The following MAST4 variants were observed in gnomAD, a reference collection of about 807,000 sequenced individuals.
The protein encoded by MAST4 is microtubule-associated serine/threonine-protein kinase 4.
MAST4 carries 89 observed loss-of-function variants against 162.7 expected under a neutral mutation model. The ratio of observed to expected loss-of-function variants is 0.55; its 90% confidence interval spans 0.46 to 0.65. MAST4 has a LOEUF of 0.65. Among genes scored for constraint, MAST4 ranks in the 30% least tolerant of loss-of-function variants. The pLI, the probability that MAST4 is intolerant of heterozygous loss-of-function variation, is 0.00. For synonymous variants in MAST4, 1,479 were observed against 1,361.1 expected, an observed-to-expected ratio of 1.09 and a Z score of -1.91; for missense variants, 3,153 against 3,374.0, an observed-to-expected ratio of 0.93 and a Z score of 1.62.
At chr5:67,103,404 T>C (rs976616339) in intron 9 of MAST4, among the ~76,000 whole-genome samples, 2 of 152,198 alleles carry the variant, frequency 1.3e-5, no homozygotes, top group South Asian at 4.2e-4. Context: ...TAACCCAACA[T>C]TGATGTCATT....
intron 4 of MAST4, among the ~76,000 whole-genome samples, chr5:66,992,592 TCTTA>T (rs1750182484): frequency 6.6e-6 from 1 of 152,198 alleles, no homozygotes; most frequent in Admixed American, 6.5e-5. Flanking sequence ...AAACGTTAAT[TCTTA>T]CTTATCAATC....
At chr5:66,720,554 G>T (rs1751136646) in intron 1 of MAST4, among the ~76,000 whole-genome samples, 1 of 151,600 alleles carries the variant, frequency 6.6e-6, no homozygotes, top group South Asian at 2.1e-4. Context: ...TGTCTCTTTG[G>T]CTCTATCCAT....
chr5:66,855,272 C>T (rs549662739), intron 3 of MAST4, among the ~76,000 whole-genome samples: 6 of 152,222 alleles, frequency 3.9e-5, no homozygotes, highest in East Asian at 3.9e-4. Flanking sequence ...CTCTTGCTCC[C>T]GCTATTGCCA....
chr5:66,673,523 GTTTTTTGTT>G (rs1747748865), intron 1 of MAST4, among the ~76,000 whole-genome samples: 1 of 131,318 alleles, frequency 7.6e-6, no homozygotes. Flanking sequence ...TTTGTTTTTT[GTTTTTTGTT>G]TTTTTTTTTT....
At chr5:67,057,274 G>A (rs548734790) in intron 5 of MAST4, among the ~76,000 whole-genome samples, 2 of 152,130 alleles carry the variant, frequency 1.3e-5, no homozygotes, top group East Asian at 3.9e-4. Context: ...TGTCAGGCGA[G>A]GTTTTCTAGG....
intron 1 of MAST4, among the ~76,000 whole-genome samples, chr5:66,670,973 CCTT>C (rs796712334): frequency 5.5e-4 from 83 of 152,240 alleles, no homozygotes; most frequent in African/African-American, 1.9e-3. Context: ...AGGCCTACCT[CCTT>C]GACACAACCA....
At chr5:66,868,209 A>T (rs530435828) in intron 3 of MAST4, among the ~76,000 whole-genome samples, 1 of 152,212 alleles carries the variant, frequency 6.6e-6, no homozygotes, top group South Asian at 2.1e-4. Flanking sequence ...CCTTTCTTGG[A>T]TGTGTCATAG....
intron 2 of MAST4, among the ~76,000 whole-genome samples, chr5:66,772,345 G>T (rs1461510256): frequency 2.0e-5 from 3 of 151,882 alleles, no homozygotes; most frequent in Non-Finnish European, 4.4e-5. Flanking sequence ...TTCAATTTAT[G>T]TTTTTTTAAG....
chr5:66,608,113 A>G (rs1743019144), intron 1 of MAST4, among the ~76,000 whole-genome samples: 1 of 146,030 alleles, frequency 6.8e-6, no homozygotes, highest in South Asian at 2.1e-4. Flanking sequence ...GCTGGAGTGC[A>G]GTGGCACTGT....
chr5:66,825,838 G>T (rs991745081), intron 3 of MAST4, among the ~76,000 whole-genome samples: 19 of 151,954 alleles, frequency 1.3e-4, no homozygotes, highest in African/African-American at 4.4e-4. Context: ...TTTATGATTT[G>T]AATACACATG....
intron 21 of MAST4, among the ~76,000 whole-genome samples, chr5:67,143,327 T>C (rs1036621836): frequency 1.3e-5 from 2 of 150,824 alleles, no homozygotes; most frequent in African/African-American, 2.4e-5. Context: ...ATAAGCCATA[T>C]TGAAAAGGCA....
At chr5:66,700,084 C>G (rs567303478) in intron 1 of MAST4, among the ~76,000 whole-genome samples, 2 of 152,342 alleles carry the variant, frequency 1.3e-5, no homozygotes, top group African/African-American at 4.8e-5. Flanking sequence ...GTCTTCTGCT[C>G]TGTGGCTTTG....
chr5:66,714,158 A>G (rs1432089603), intron 1 of MAST4, among the ~76,000 whole-genome samples: 4 of 152,174 alleles, frequency 2.6e-5, no homozygotes, highest in East Asian at 1.9e-4. Context: ...GGCTACACAG[A>G]TGACTCACCC....
At chr5:66,728,591 AT>A (rs1470011029) in intron 1 of MAST4, among the ~76,000 whole-genome samples, 2 of 152,342 alleles carry the variant, frequency 1.3e-5, no homozygotes, top group South Asian at 2.1e-4. Flanking sequence ...AATGATGGAA[AT>A]GTCATGACTA....
intron 1 of MAST4, among the ~76,000 whole-genome samples, chr5:66,619,512 A>T (rs1743937461): frequency 6.6e-6 from 1 of 152,152 alleles, no homozygotes; most frequent in African/African-American, 2.4e-5. Flanking sequence ...CCTCATATAC[A>T]CGGGTACAGA....
intron 1 of MAST4, among the ~76,000 whole-genome samples, chr5:66,649,872 T>C (rs1025684158): frequency 2.6e-5 from 4 of 152,156 alleles, no homozygotes; most frequent in African/African-American, 9.7e-5. Context: ...CGAGATCAGT[T>C]AGTCAATACT....
At chr5:66,826,401 C>G (rs147808150) in intron 3 of MAST4, among the ~76,000 whole-genome samples, 1 of 152,054 alleles carries the variant, frequency 6.6e-6, no homozygotes, top group Admixed American at 6.6e-5. Context: ...CTCCCAAACA[C>G]CTCGAGCTGC....
At chr5:67,114,338 C>T in intron 12 of MAST4, 119 bp downstream of exon 12, 1 of 1,236,044 alleles carries the variant, frequency 8.1e-7, no homozygotes, top group Non-Finnish European at 1.1e-6. Flanking sequence ...TTGATAAGTC[C>T]ATATTTGGGG....
At chr5:66,708,038 C>T (rs1001069633) in intron 1 of MAST4, among the ~76,000 whole-genome samples, 11 of 152,140 alleles carry the variant, frequency 7.2e-5, no homozygotes, top group Non-Finnish European at 1.2e-4. Context: ...ATGAGGATGT[C>T]GCTGGTAGGT....
Sources: gnomAD v4.1 joint callset for allele counts (sites outside exome capture counted in the v4.1 genomes callset) on GRCh38, gnomAD v4.1.1 for gene constraint, MANE v1.5 for transcripts, NCBI Gene and HGNC (gene_info 2026-07-23, HGNC 2026-07-21) for gene names.